The following TSHR variants were observed in gnomAD, a reference collection of about 807,000 sequenced individuals.
TSHR encodes the protein thyrotropin receptor.
In TSHR, 51 loss-of-function variants were observed where a neutral mutation model predicts 64.1. That is an observed-to-expected ratio of 0.80 (90% CI 0.64 to 1.01). The LOEUF is 1.01. TSHR is among the 50% of genes least tolerant of loss of function. The pLI, the probability that TSHR is intolerant of heterozygous loss-of-function variation, is 0.00. For synonymous variants in TSHR, 361 were observed against 361.9 expected (o/e 1.00, Z 0.03); for missense variants, 877 against 942.8 (o/e 0.93, Z 0.91).
intron 8 of TSHR, among the ~76,000 whole-genome samples, chr14:81,117,647 AAGAGGG>A (rs1353876496): frequency 7.8e-6 from 1 of 127,602 alleles, no homozygotes; most frequent in Non-Finnish European, 1.6e-5. Context: ...TCAATAGAAA[AAGAGGG>A]AATCCTCCCT....
chr14:81,096,423 T>C (rs1318755037), intron 6 of TSHR, among the ~76,000 whole-genome samples: 1 of 152,210 alleles, frequency 6.6e-6, no homozygotes, highest in Non-Finnish European at 1.5e-5. Context: ...TTAAATTTAC[T>C]AGGAGCTAAG....
chr14:81,115,420 A>G (rs1890453644), intron 8 of TSHR, among the ~76,000 whole-genome samples: 1 of 144,242 alleles, frequency 6.9e-6, no homozygotes, highest in Non-Finnish European at 1.5e-5. Flanking sequence ...AACTGGAAGA[A>G]AGGGTATCAG....
At chr14:81,060,651 A>G (rs1050901466) in intron 1 of TSHR, among the ~76,000 whole-genome samples, 1 of 152,204 alleles carries the variant, frequency 6.6e-6, no homozygotes, top group African/African-American at 2.4e-5. Context: ...AAGAAAGCAT[A>G]GACCAAGGAA....
intron 1 of TSHR, among the ~76,000 whole-genome samples, chr14:80,963,729 C>A (rs1030403204): frequency 6.6e-6 from 1 of 152,100 alleles, no homozygotes; most frequent in African/African-American, 2.4e-5. Flanking sequence ...GGGAGAGCCC[C>A]TCTGAAATGA....
At chr14:81,036,492 A>G (rs1188889281) in intron 1 of TSHR, among the ~76,000 whole-genome samples, 1 of 152,130 alleles carries the variant, frequency 6.6e-6, no homozygotes, top group Non-Finnish European at 1.5e-5. Flanking sequence ...AGAATACTAC[A>G]CCCAGAAAAT....
intron 1 of TSHR, among the ~76,000 whole-genome samples, chr14:80,969,897 G>A (rs560042257): frequency 6.6e-6 from 1 of 152,220 alleles, no homozygotes; most frequent in East Asian, 1.9e-4. Flanking sequence ...TTCTTTCTAG[G>A]CCAGTGGTCA....
chr14:80,991,075 A>G (rs1361974630), intron 1 of TSHR, among the ~76,000 whole-genome samples: 1 of 152,256 alleles, frequency 6.6e-6, no homozygotes, highest in African/African-American at 2.4e-5. Context: ...GCAAATCCAT[A>G]TGTGACTTTT....
rs147305381 is a variant in TSHR at position 80,955,731 on chromosome 14, G to A, written c.51G>A (p.Arg17=). 4.2e-5 allele frequency: 68 copies of A among 1,614,160 alleles called. No homozygotes were observed. The African/African-American group carries it at 7.7e-4, about 18-fold the overall frequency. ...LQLVLLLDLP[R]DLGGMGCSSP... ...TGGTGCTGCTGCTCGACCTGCCCAG[G>A]GACCTGGGCGGAATGGGGTGTTCGT... Residue 17 remains arginine (R), a synonymous_variant, in exon 1 of 10, where the codon AGG becomes AGA. Coordinates refer to ENST00000298171, the MANE Select transcript of TSHR (RefSeq NM_000369.5).
intron 7 of TSHR, among the ~76,000 whole-genome samples, chr14:81,098,337 C>G (rs1889350005): frequency 6.6e-6 from 1 of 151,910 alleles, no homozygotes; most frequent in African/African-American, 2.4e-5. Context: ...TAGGTTTATC[C>G]CATTGTTTTT....
Position 81,062,137 on chromosome 14 carries a change from T to A in TSHR, c.171-11T>A. 1 of 1,607,512 alleles carries A rather than the reference T, an allele frequency of 6.2e-7. No homozygotes were observed. Among genetic ancestry groups the A allele is most frequent in the East Asian group, 2.2e-5 (1 of 44,688 alleles). On this transcript the variant is annotated splice_polypyrimidine_tract_variant and intron_variant, in intron 1 of 9. Transcript: ENST00000298171. ...ATTAAAACTCTAATTATGTAACTGT[T>A]ATTTTCACAGGAAGCTTATTGAGAC...
chr14:81,004,292 T>C (rs530090200), intron 1 of TSHR, among the ~76,000 whole-genome samples: 1 of 152,244 alleles, frequency 6.6e-6, no homozygotes, highest in South Asian at 2.1e-4. Context: ...CCAAAGAAAA[T>C]GCTCCCAAGA....
In TSHR at chr14:81,091,132, A is replaced by G; in HGVS notation, c.456A>G (p.Ile152Met). 1 of 1,611,980 alleles carries G rather than the reference A, an allele frequency of 6.2e-7. No homozygotes were observed. The highest frequency in any genetic ancestry group is 8.5e-7 in the Non-Finnish European group (1 of 1,179,620). Reference protein sequence around the residue: ...PDLTKVYSTDIFFILEITDNP... With the variant: ...PDLTKVYSTDMFFILEITDNP... ...TGACCAAAGTTTATTCCACTGATATATTCTTTATACTGTAAGTATGCACAC... is the reference window on the plus strand; with the variant it reads ...TGACCAAAGTTTATTCCACTGATATGTTCTTTATACTGTAAGTATGCACAC... The change falls in exon 5 of 10, where the codon ATA becomes ATG. Residue 152 changes from isoleucine to methionine, a missense_variant. Coordinates refer to ENST00000298171, the MANE Select transcript of TSHR (RefSeq NM_000369.5).
intron 1 of TSHR, among the ~76,000 whole-genome samples, chr14:81,022,957 C>G (rs1249270599): frequency 6.6e-6 from 1 of 152,172 alleles, no homozygotes; most frequent in Non-Finnish European, 1.5e-5. Flanking sequence ...CTTCTGCCAT[C>G]TAAGGACACA....
Position 81,144,244 on chromosome 14 carries a change from G to A in TSHR, c.2186G>A (p.Arg729Lys), listed in dbSNP as rs903686564. 7 of 1,613,506 alleles carry A rather than the reference G, an allele frequency of 4.3e-6. No individual in the cohort carries two copies. The highest frequency in any genetic ancestry group is 1.6e-4 in the Middle Eastern group (1 of 6,084). The change falls in exon 10 of 10, where the codon AGG becomes AAG. Residue 729 changes from arginine (R) to lysine (K), a missense_variant. Transcript: ENST00000298171. ...GTTCAAAAGGTTACCCACGAGATGA[G>A]GCAGGGTCTCCACAACATGGAAGAT... ...IQVQKVTHEM[R>K]QGLHNMEDVY...
intron 1 of TSHR, among the ~76,000 whole-genome samples, chr14:80,987,145 C>T (rs1888499712): frequency 6.6e-6 from 1 of 152,200 alleles, no homozygotes; most frequent in African/African-American, 2.4e-5. Context: ...AATACCTTCC[C>T]TAGTTTCCTG....
intron 8 of TSHR, among the ~76,000 whole-genome samples, chr14:81,109,282 G>A (rs1890118130): frequency 6.6e-6 from 1 of 151,820 alleles, no homozygotes; most frequent in Non-Finnish European, 1.5e-5. Flanking sequence ...AGTGGCGGGT[G>A]CCTGTAGTCC....
chr14:81,135,451 AT>A (rs1354064555), intron 8 of TSHR, among the ~76,000 whole-genome samples: 21 of 152,232 alleles, frequency 1.4e-4, no homozygotes, highest in African/African-American at 5.1e-4. Context: ...ATAGTGGAAG[AT>A]TTCTGAGACC....
At chr14:81,062,960 C>T (rs1886348425) in intron 2 of TSHR, among the ~76,000 whole-genome samples, 1 of 152,100 alleles carries the variant, frequency 6.6e-6, no homozygotes, top group African/African-American at 2.4e-5. Flanking sequence ...CGACTCTACC[C>T]CTAGAAGCAT....
At chr14:81,019,618 C>A (rs1474685318) in intron 1 of TSHR, among the ~76,000 whole-genome samples, 1 of 150,936 alleles carries the variant, frequency 6.6e-6, no homozygotes, top group East Asian at 1.9e-4. Flanking sequence ...TAGCCTCCCA[C>A]CCCCCAACAG....
Sources: allele counts gnomAD v4.1 joint callset (sites outside exome capture counted in the v4.1 genomes callset), GRCh38; gene constraint gnomAD v4.1.1; transcripts MANE v1.5; gene names NCBI Gene and HGNC (gene_info 2026-07-23, HGNC 2026-07-21).